CDH13: variants seen among roughly 807,000 people sequenced by gnomAD.
CDH13 encodes cadherin 13, also known as cadherin-13.
Under a neutral mutation model 63.8 loss-of-function variants are expected in CDH13, and 24 were observed. The ratio of observed to expected loss-of-function variants is 0.38; its 90% CI spans 0.27 to 0.53. CDH13 has a LOEUF of 0.53. Ranked by LOEUF, CDH13 falls within the 20% of genes least tolerant of loss-of-function variation. CDH13 has a pLI of 0.85. For synonymous variants in CDH13, 503 were observed against 355.3 expected, an observed-to-expected ratio of 1.42 and a Z score of -4.67; for missense variants, 1,049 against 903.1, an observed-to-expected ratio of 1.16 and a Z score of -2.07.
chr16:83,490,336 T>C (rs1470747655), intron 7 of CDH13, among the ~76,000 whole-genome samples: 1 of 152,164 alleles, frequency 6.6e-6, no homozygotes, highest in Non-Finnish European at 1.5e-5. Context: ...TACCTAATCA[T>C]CTTCCCTGCC....
intron 10 of CDH13, among the ~76,000 whole-genome samples, chr16:83,688,109 C>G (rs1904493817): frequency 6.6e-6 from 1 of 152,210 alleles, no homozygotes; most frequent in African/African-American, 2.4e-5. Flanking sequence ...TCCATTTTTA[C>G]TGGTCTTCCC....
intron 2 of CDH13, among the ~76,000 whole-genome samples, chr16:82,909,744 A>C (rs1202336969): frequency 1.3e-5 from 2 of 152,092 alleles, no homozygotes; most frequent in African/African-American, 4.8e-5. Context: ...TTCCTCCCAC[A>C]ACACATGAGA....
intron 11 of CDH13, among the ~76,000 whole-genome samples, chr16:83,768,591 A>C (rs1046327714): frequency 1.3e-5 from 2 of 152,208 alleles, no homozygotes; most frequent in East Asian, 3.8e-4. Flanking sequence ...AAGTAAAGGA[A>C]TAAAAGAATG....
chr16:83,126,536 G>A (rs1236480963), intron 4 of CDH13, among the ~76,000 whole-genome samples: 4 of 152,178 alleles, frequency 2.6e-5, no homozygotes, highest in African/African-American at 9.7e-5. Context: ...CAGGATTAAA[G>A]AGGACTCTTT....
chr16:83,278,457 A>T (rs559184790), intron 5 of CDH13, among the ~76,000 whole-genome samples: 48 of 152,320 alleles, frequency 3.2e-4, no homozygotes, highest in Middle Eastern at 6.8e-3. Flanking sequence ...AGGACGTGCA[A>T]AGCCAAGCCC....
chr16:82,902,381 G>A (rs1188775897), intron 2 of CDH13, among the ~76,000 whole-genome samples: 1 of 146,832 alleles, frequency 6.8e-6, no homozygotes, highest in South Asian at 2.1e-4. Flanking sequence ...ATGAAGCCAG[G>A]TTAGGAGAAA....
intron 7 of CDH13, among the ~76,000 whole-genome samples, chr16:83,576,697 A>G (rs533726046): frequency 2.0e-5 from 3 of 152,316 alleles, no homozygotes; most frequent in Non-Finnish European, 4.4e-5. Flanking sequence ...TTTTTATGCT[A>G]GCCATTCTAG....
intron 1 of CDH13, among the ~76,000 whole-genome samples, chr16:82,734,954 T>G (rs2033596097): frequency 6.6e-6 from 1 of 152,058 alleles, no homozygotes; most frequent in Admixed American, 6.6e-5. Context: ...GTCCAGCACA[T>G]AGAGGATGTA....
At chr16:83,065,856 C>A (rs937262667) in intron 3 of CDH13, among the ~76,000 whole-genome samples, 1 of 152,066 alleles carries the variant, frequency 6.6e-6, no homozygotes, top group East Asian at 1.9e-4. Context: ...GCTGGGGAAA[C>A]TTCCTCTTGC....
chr16:83,114,862 G>C (rs866133976), intron 3 of CDH13, among the ~76,000 whole-genome samples: 1 of 152,216 alleles, frequency 6.6e-6, no homozygotes, highest in East Asian at 1.9e-4. Context: ...TGTGAATTGA[G>C]TAGCACAGAA....
At chr16:83,155,311 TC>T (rs751421709) in intron 4 of CDH13, among the ~76,000 whole-genome samples, 1 of 152,200 alleles carries the variant, frequency 6.6e-6, no homozygotes. Context: ...TTGCATGGTG[TC>T]AAAATTATCC....
intron 6 of CDH13, among the ~76,000 whole-genome samples, chr16:83,419,508 C>G (rs1397594724): frequency 1.3e-5 from 2 of 152,192 alleles, no homozygotes; most frequent in Non-Finnish European, 2.9e-5. Context: ...ATTCCAAGTT[C>G]TATAATGATA....
chr16:83,522,602 G>A (rs2074866751), intron 7 of CDH13, among the ~76,000 whole-genome samples: 1 of 152,190 alleles, frequency 6.6e-6, no homozygotes, highest in African/African-American at 2.4e-5. Context: ...TTCTATAAAT[G>A]AAAGTAATAA....
At chr16:83,407,348 A>G (rs188396906) in intron 6 of CDH13, among the ~76,000 whole-genome samples, 1 of 152,332 alleles carries the variant, frequency 6.6e-6, no homozygotes, top group Non-Finnish European at 1.5e-5. Context: ...CTATATGTTT[A>G]TTAGGCTCCT....
chr16:83,228,263 C>A (rs548303325), intron 5 of CDH13, among the ~76,000 whole-genome samples: 17 of 152,320 alleles, frequency 1.1e-4, no homozygotes, highest in African/African-American at 4.1e-4. Flanking sequence ...AGGCATGCTG[C>A]TCCACATCCT....
intron 2 of CDH13, among the ~76,000 whole-genome samples, chr16:82,895,709 G>C (rs1361283562): frequency 6.6e-6 from 1 of 151,454 alleles, no homozygotes; most frequent in Admixed American, 6.6e-5. Flanking sequence ...TTTTAAAGAG[G>C]GGTGTTTTCT....
intron 3 of CDH13, among the ~76,000 whole-genome samples, chr16:83,096,935 TA>T (rs930983415): frequency 7.9e-5 from 12 of 152,182 alleles, no homozygotes; most frequent in African/African-American, 2.9e-4. Context: ...TCTCATAAAA[TA>T]TTTTTTTTCT....
intron 2 of CDH13, among the ~76,000 whole-genome samples, chr16:83,015,716 T>G (rs1173026821): frequency 1.7e-5 from 2 of 118,586 alleles, no homozygotes; most frequent in African/African-American, 6.4e-5. Flanking sequence ...TATATATATA[T>G]ATATATAAAG....
At chr16:83,049,887 C>T (rs779095754) in intron 3 of CDH13, among the ~76,000 whole-genome samples, 1 of 152,110 alleles carries the variant, frequency 6.6e-6, no homozygotes, top group Non-Finnish European at 1.5e-5. Context: ...TGCATACTTA[C>T]AAGATTTATG....
Sources: allele counts gnomAD v4.1 joint callset (sites outside exome capture counted in the v4.1 genomes callset), GRCh38; gene constraint gnomAD v4.1.1; transcripts MANE v1.5; gene names NCBI Gene and HGNC (gene_info 2026-07-23, HGNC 2026-07-21).